IL1RL2: variants seen among roughly 807,000 people sequenced by gnomAD.
IL1RL2 encodes interleukin-1 receptor-like 2.
In IL1RL2, 68 loss-of-function variants were observed where a neutral mutation model predicts 66.8. The observed-to-expected ratio is 1.02, with a 90% CI of 0.84 to 1.25. The LOEUF is 1.25. IL1RL2 is among the 50% of genes most tolerant of loss of function. The probability of loss-of-function intolerance (pLI) is 0.00; values close to 1 mark genes in which losing one functional copy is unlikely to be tolerated. For missense variants in IL1RL2, 729 were observed against 709.3 expected (o/e 1.03, Z -0.32); for synonymous variants, 305 against 264.6 (o/e 1.15, Z -1.48).
In IL1RL2 at chr2:102,233,168, A is replaced by C. The variant is rs373744109; in HGVS notation, c.1297+44A>C. 3.2e-6 allele frequency: 5 copies of C among 1,546,956 alleles called. No homozygotes were observed. In the African/African-American group the frequency reaches 4.1e-5, roughly 13 times the overall value. On this transcript the variant is annotated intron_variant, in intron 10 of 11. Coordinates refer to ENST00000264257, the MANE Select transcript of IL1RL2 (RefSeq NM_003854.4). ...GTAAAAATAACAAATAAAAGAAGGAAAGCGACCCCTCTGTTCCTCCACTTT... is the reference window on the plus strand; with the variant it reads ...GTAAAAATAACAAATAAAAGAAGGACAGCGACCCCTCTGTTCCTCCACTTT...
At chr2:102,211,500 C>G (rs1689166136) in intron 5 of IL1RL2, among the ~76,000 whole-genome samples, 1 of 152,192 alleles carries the variant, frequency 6.6e-6, no homozygotes, top group Admixed American at 6.5e-5. Context: ...GATCCCTCAT[C>G]CAACTTTGAC....
chr2:102,216,094 A>G (rs1269219977), intron 6 of IL1RL2, among the ~76,000 whole-genome samples: 2 of 152,258 alleles, frequency 1.3e-5, no homozygotes, highest in Non-Finnish European at 2.9e-5. Flanking sequence ...TAATGATCTT[A>G]AGGAAACCCA....
At chr2:102,187,611 C>A (rs566980983) in intron 1 of IL1RL2, among the ~76,000 whole-genome samples, 2 of 152,168 alleles carry the variant, frequency 1.3e-5, no homozygotes, top group Non-Finnish European at 2.9e-5. Context: ...GCCTACTCCT[C>A]GCCCATCCTC....
In IL1RL2 at chr2:102,235,213, C is replaced by T. The variant is rs762846728; in HGVS notation, c.1614C>T (p.Pro538=). ...AGACAGTGAGATACCACATGCCGCC[C>T]AGAAGGTGTCGGCCGTTTCCTCCGG... is the stretch of plus-strand genomic sequence containing the variant. ...FWKTVRYHMP[P]RRCRPFPPVQ... is the part of the protein sequence containing the mutation. The change falls in exon 11 of 12, where the codon CCC becomes CCT. Residue 538 remains proline, a synonymous_variant. Transcript: ENST00000264257. 2 of 1,614,218 alleles carry T rather than the reference C, an allele frequency of 1.2e-6. No homozygotes were observed. The highest frequency in any genetic ancestry group is 1.7e-4 in the Middle Eastern group (1 of 6,050).
intron 1 of IL1RL2, chr2:102,187,342 G>A: frequency 8.6e-7 from 1 of 1,169,242 alleles, no homozygotes; most frequent in Non-Finnish European, 1.1e-6. Flanking sequence ...GCCCTTGCCA[G>A]GTAGGCCTGC....
intron 4 of IL1RL2, among the ~76,000 whole-genome samples, chr2:102,197,915 G>C (rs867770): frequency 6.6e-6 from 1 of 152,026 alleles, no homozygotes; most frequent in East Asian, 1.9e-4. Flanking sequence ...TAGAGGTAGC[G>C]GCTCTCAGGG....
chr2:102,188,450 C>T (rs1971695), intron 2 of IL1RL2, among the ~76,000 whole-genome samples: 151,155 of 151,994 alleles, frequency 0.99, 75,164 homozygotes, highest in Middle Eastern at 1. Context: ...TAGCCGGGCG[C>T]GGTGGCGGGC....
At position 102,189,168 on chromosome 2, in the gene IL1RL2, G is replaced by C. The variant is rs370027210; in HGVS notation, c.151G>C (p.Glu51Gln). 2 of 1,614,052 alleles carry C rather than the reference G, an allele frequency of 1.2e-6. No individual in the cohort carries two copies. The highest frequency in any genetic ancestry group is 8.5e-7 in the Non-Finnish European group (1 of 1,179,920). The change falls in exon 3 of 12, where the codon GAA becomes CAA. Residue 51 changes from glutamate (E) to glutamine (Q), a missense_variant. Glu to Gln is a conservative substitution (Grantham distance 29). Coordinates refer to ENST00000264257, the MANE Select transcript of IL1RL2 (RefSeq NM_003854.4). ...NCTFPPITSG[E>Q]VSVTWYKNSS... Reference sequence around the variant, plus strand: ...TACATTCCCTCCCATAACATCTGGGGAAGTCAGTGTAACATGGTATAAAAA... The same window carrying C: ...TACATTCCCTCCCATAACATCTGGGCAAGTCAGTGTAACATGGTATAAAAA...
At chr2:102,199,987 C>T (rs555893814) in intron 4 of IL1RL2, among the ~76,000 whole-genome samples, 4 of 151,866 alleles carry the variant, frequency 2.6e-5, no homozygotes, top group East Asian at 1.9e-4. Flanking sequence ...GGTGAAACCC[C>T]ACCTGTACTA....
chr2:102,227,698 GAC>G (rs1361977110), intron 9 of IL1RL2, among the ~76,000 whole-genome samples: 1 of 152,114 alleles, frequency 6.6e-6, no homozygotes, highest in African/African-American at 2.4e-5. Flanking sequence ...ATTGTTTTCT[GAC>G]ACAGAGTTGA....
intron 4 of IL1RL2, among the ~76,000 whole-genome samples, chr2:102,198,120 C>T (rs548826828): frequency 4.6e-5 from 7 of 152,054 alleles, no homozygotes; most frequent in African/African-American, 1.2e-4. Context: ...AATCTATCCA[C>T]GAAGCATTTA....
chr2:102,233,030 G>A lies in IL1RL2; in HGVS notation c.1203G>A (p.Val401=), dbSNP rs754059800. 1 of 1,614,124 alleles carries A rather than the reference G, an allele frequency of 6.2e-7. No homozygotes were observed. Among genetic ancestry groups the A allele is most frequent in the South Asian group, 1.1e-5 (1 of 91,072 alleles). The change falls in exon 10 of 12, where the codon GTG becomes GTA. Residue 401 remains valine, a synonymous_variant. Transcript: ENST00000264257. The part of the protein sequence containing the change: ...KPHKESQRHA[V]DALVLNILPE... Reference sequence around the variant, plus strand: ...ACAAGGAAAGCCAGAGGCATGCCGTGGATGCCCTGGTGTTGAATATCCTGC... The same window carrying A: ...ACAAGGAAAGCCAGAGGCATGCCGTAGATGCCCTGGTGTTGAATATCCTGC...
chr2:102,230,088 G>A, intron 9 of IL1RL2, among the ~76,000 whole-genome samples: 1 of 152,162 alleles, frequency 6.6e-6, no homozygotes, highest in East Asian at 1.9e-4. Context: ...AATAGACCAG[G>A]AAACACTGTA....
In IL1RL2 at chr2:102,199,995, C is replaced by A. The variant is rs1688106068; in HGVS notation, c.490-1561C>A. Among the ~76,000 whole-genome samples, 3 of 151,186 alleles carry A rather than the reference C, an allele frequency of 2.0e-5. No individual in the cohort carries two copies. In the South Asian group the frequency reaches 6.3e-4, roughly 32 times the overall value. On this transcript the variant is annotated intron_variant, in intron 4 of 11. Transcript: ENST00000264257. ...GCTTCATGGTGAAACCCCACCTGTA[C>A]TAAAAAAACAAAAAATTGGGGTGTG...
At position 102,192,131 on chromosome 2, in the gene IL1RL2, AT is replaced by A. The variant is rs1239065049; in HGVS notation, c.489+15del. On this transcript the variant is annotated intron_variant, in intron 4 of 11. Transcript: ENST00000264257. Reference sequence around the variant, plus strand: ...ATAAAGTGGTATAAGGTAAAAAAGAATTTTCTTATTGATATTTTTCCTCCTT... The same window carrying A: ...ATAAAGTGGTATAAGGTAAAAAAGAATTTCTTATTGATATTTTTCCTCCTT... 1 of 1,524,332 alleles carries A rather than the reference AT, an allele frequency of 6.6e-7. No homozygotes were observed. Among genetic ancestry groups the A allele is most frequent in the African/African-American group, 1.4e-5 (1 of 70,526 alleles). The allele number at this position is 1,524,332 out of a possible 1,614,324, so 94.4% of individuals were successfully genotyped here. A position where few individuals can be genotyped will look rare whatever the true frequency, so the allele number is the denominator to read the frequency against.
intron 4 of IL1RL2, among the ~76,000 whole-genome samples, chr2:102,197,355 G>A (rs1285234200): frequency 1.3e-5 from 2 of 152,148 alleles, no homozygotes; most frequent in African/African-American, 4.8e-5. Flanking sequence ...TCAAGTGATG[G>A]ACACGTGAAT....
chr2:102,242,956 C>G (rs1300406996), downstream of IL1RL2, among the ~76,000 whole-genome samples: 2 of 152,184 alleles, frequency 1.3e-5, no homozygotes, highest in African/African-American at 4.8e-5. Context: ...ATGCATTCTT[C>G]CAAATTTCCC....
intron 6 of IL1RL2, among the ~76,000 whole-genome samples, chr2:102,213,354 T>C (rs1559546778): frequency 6.6e-6 from 1 of 152,266 alleles, no homozygotes; most frequent in Non-Finnish European, 1.5e-5. Context: ...ATACAGTAAA[T>C]GTAAAAATTT....
rs1374498569 is a variant in IL1RL2 at position 102,239,662 on chromosome 2, G to A, written c.*421G>A. 1 of 188,758 alleles carries A rather than the reference G, an allele frequency of 5.3e-6. No individual in the cohort carries two copies. Among genetic ancestry groups the A allele is most frequent in the African/African-American group, 2.3e-5 (1 of 43,526 alleles). 11.7% of individuals were successfully genotyped at this position (188,758 alleles called of 1,614,324 possible). On this transcript the variant is annotated 3_prime_UTR_variant, in exon 12 of 12. Transcript: ENST00000264257. ...AGAGCTGGGGGTATCCCTACATCATGGTGGGTGAGAGCTGGGAGCATCCCC... is the reference window on the plus strand; with the variant it reads ...AGAGCTGGGGGTATCCCTACATCATAGTGGGTGAGAGCTGGGAGCATCCCC...
Sources: allele counts gnomAD v4.1 joint callset (sites outside exome capture counted in the v4.1 genomes callset), GRCh38; gene constraint gnomAD v4.1.1; transcripts MANE v1.5; gene names NCBI Gene and HGNC (gene_info 2026-07-23, HGNC 2026-07-21).